The following FRMD4A variants were observed in gnomAD, a reference collection of about 807,000 sequenced individuals.
FRMD4A encodes the protein FERM domain-containing protein 4A.
A neutral mutation model predicts 129.1 loss-of-function variants in FRMD4A; 29 were observed. The observed-to-expected ratio is 0.22, with a 90% CI of 0.17 to 0.31. FRMD4A has a LOEUF of 0.31. FRMD4A is among the 10% of genes least tolerant of loss of function. The pLI is 1.00. For missense variants in FRMD4A, 1,272 were observed against 1,375.8 expected (o/e 0.92, Z 1.19); for synonymous variants, 634 against 571.6 (o/e 1.11, Z -1.56).
chr10:14,225,453 C>T (rs952410542), intron 2 of FRMD4A, among the ~76,000 whole-genome samples: 1 of 152,204 alleles, frequency 6.6e-6, no homozygotes, highest in Non-Finnish European at 1.5e-5. Flanking sequence ...GGAAACCGTG[C>T]CTTCATTTGC....
At chr10:13,823,706 G>A (rs918508038) in intron 3 of FRMD4A, among the ~76,000 whole-genome samples, 5 of 152,190 alleles carry the variant, frequency 3.3e-5, no homozygotes, top group African/African-American at 4.8e-5. Context: ...CTCACTGGGA[G>A]GTGAGGTATG....
chr10:13,926,298 G>A (rs1306411931), intron 2 of FRMD4A, among the ~76,000 whole-genome samples: 1 of 152,204 alleles, frequency 6.6e-6, no homozygotes, highest in African/African-American at 2.4e-5. Context: ...TTTGCAGCCA[G>A]ACTGGTCCAG....
chr10:14,159,937 C>A (rs553470110), intron 2 of FRMD4A, among the ~76,000 whole-genome samples: 114 of 152,152 alleles, frequency 7.5e-4, no homozygotes, highest in African/African-American at 2.7e-3. Context: ...GTAATCCCAG[C>A]TACTTGGGAG....
At chr10:14,185,685 T>C (rs964028039) in intron 2 of FRMD4A, among the ~76,000 whole-genome samples, 2 of 152,122 alleles carry the variant, frequency 1.3e-5, no homozygotes, top group African/African-American at 4.8e-5. Context: ...GAAGAGAGGA[T>C]AGCAGCAGCT....
At chr10:13,700,875 A>T (rs1328544826) in intron 14 of FRMD4A, among the ~76,000 whole-genome samples, 3 of 150,012 alleles carry the variant, frequency 2.0e-5, no homozygotes, top group Non-Finnish European at 4.4e-5. Flanking sequence ...TAAAAAAAAA[A>T]AAATGGAGTT....
chr10:14,217,461 T>A (rs1843110134), intron 2 of FRMD4A, among the ~76,000 whole-genome samples: 1 of 152,180 alleles, frequency 6.6e-6, no homozygotes, highest in African/African-American at 2.4e-5. Context: ...TGGGTTCCAC[T>A]CTCTCTTGTC....
At chr10:14,018,455 C>CAAAAAAAAAAAAAA (rs71388151) in intron 2 of FRMD4A, among the ~76,000 whole-genome samples, 1 of 59,250 alleles carries the variant, frequency 1.7e-5, no homozygotes, top group Non-Finnish European at 2.9e-5. Context: ...GACTCCATCT[C>CAAAAAAAAAAAAAA]AAAAAAAAAA....
At chr10:14,025,099 A>G (rs1394530605) in intron 2 of FRMD4A, among the ~76,000 whole-genome samples, 1 of 152,238 alleles carries the variant, frequency 6.6e-6, no homozygotes, top group Non-Finnish European at 1.5e-5. Flanking sequence ...TTGTGAGGGT[A>G]CTAAATTTTT....
chr10:14,094,026 C>CCGAAAAGG (rs1180400344), intron 2 of FRMD4A, among the ~76,000 whole-genome samples: 1 of 152,192 alleles, frequency 6.6e-6, no homozygotes, highest in African/African-American at 2.4e-5. Context: ...GAGGCTTTTG[C>CCGAAAAGG]CGAAAAGGCC....
chr10:13,710,245 G>GC (rs1265647293), intron 12 of FRMD4A, among the ~76,000 whole-genome samples: 1 of 152,166 alleles, frequency 6.6e-6, no homozygotes, highest in Non-Finnish European at 1.5e-5. Flanking sequence ...TTCATGGGAA[G>GC]CCCCCCTCCC....
At chr10:14,230,165 G>A (rs1366067230) in intron 2 of FRMD4A, among the ~76,000 whole-genome samples, 1 of 152,226 alleles carries the variant, frequency 6.6e-6, no homozygotes, top group Non-Finnish European at 1.5e-5. Flanking sequence ...ACAGTCCATA[G>A]AAGTTCACCA....
intron 2 of FRMD4A, among the ~76,000 whole-genome samples, chr10:14,103,373 C>A (rs1421411316): frequency 6.6e-6 from 1 of 152,060 alleles, no homozygotes; most frequent in African/African-American, 2.4e-5. Flanking sequence ...TCTCTTTTTC[C>A]TACTGCAGCC....
intron 2 of FRMD4A, among the ~76,000 whole-genome samples, chr10:14,312,736 G>A (rs774501856): frequency 2.2e-4 from 33 of 151,906 alleles, no homozygotes; most frequent in Non-Finnish European, 3.8e-4. Flanking sequence ...TGTGGTGGTG[G>A]GCACCTGCAG....
chr10:14,151,804 T>C (rs906146024), intron 2 of FRMD4A, among the ~76,000 whole-genome samples: 3 of 152,210 alleles, frequency 2.0e-5, no homozygotes, highest in Non-Finnish European at 2.9e-5. Flanking sequence ...AACTAATTTA[T>C]TTTCTCCCTT....
chr10:14,084,777 G>A (rs996051417), intron 2 of FRMD4A, among the ~76,000 whole-genome samples: 2 of 152,114 alleles, frequency 1.3e-5, no homozygotes, highest in Non-Finnish European at 2.9e-5. Context: ...ATTTGAACTC[G>A]TTTGAACCAA....
At position 13,826,542 on chromosome 10, in the gene FRMD4A, A is replaced by G. The variant is rs80249449; in HGVS notation, c.112-15634T>C. Among the ~76,000 whole-genome samples the G allele has an allele frequency of 4.7e-3, 722 of 152,240 alleles. 3 individuals carry two copies. Among genetic ancestry groups the G allele is most frequent in the African/African-American group, 0.017 (691 of 41,538 alleles). On this transcript the variant is annotated intron_variant, in intron 3 of 24. Coordinates refer to ENST00000357447, the MANE Select transcript of FRMD4A (RefSeq NM_018027.5). ...AAGAAGTCCCTCTCCGGCCCCAGTG[A>G]TACGCCCAGAGACATGGCACTGGCT...
At chr10:13,878,049 T>C (rs927529618) in intron 2 of FRMD4A, among the ~76,000 whole-genome samples, 1 of 152,070 alleles carries the variant, frequency 6.6e-6, no homozygotes, top group Admixed American at 6.6e-5. Context: ...TACAGTGCAA[T>C]GGCCCCGGCA....
intron 2 of FRMD4A, among the ~76,000 whole-genome samples, chr10:13,866,015 C>A (rs966161933): frequency 6.6e-6 from 1 of 152,066 alleles, no homozygotes; most frequent in Admixed American, 6.6e-5. Flanking sequence ...TCGTTGACAT[C>A]CCCGTGAAAA....
rs138988857 is a variant in FRMD4A at position 13,900,253 on chromosome 10, T to G, written c.46-41341A>C. 2.0e-5 allele frequency among the ~76,000 whole-genome samples: 3 copies of G among 152,252 alleles called. No individual in the cohort carries two copies. In the East Asian group the frequency reaches 5.8e-4, roughly 29 times the overall value. ...ATGAAGAAATTATCCAATGGCTGTG[T>G]TTTATTTTGTTATTTTTTCACCAAC... On this transcript the variant is annotated intron_variant, in intron 2 of 24. Coordinates refer to ENST00000357447, the MANE Select transcript of FRMD4A (RefSeq NM_018027.5).
Sources: gnomAD v4.1 joint callset for allele counts (sites outside exome capture counted in the v4.1 genomes callset) on GRCh38, gnomAD v4.1.1 for gene constraint, MANE v1.5 for transcripts, NCBI Gene and HGNC (gene_info 2026-07-23, HGNC 2026-07-21) for gene names.